The following CTNNA3 variants were observed in gnomAD, a reference collection of about 807,000 sequenced individuals.
CTNNA3 encodes catenin alpha 3, also known as catenin alpha-3.
A neutral mutation model predicts 95.7 loss-of-function variants in CTNNA3; 76 were observed. The ratio of observed to expected loss-of-function variants is 0.79; its 90% CI spans 0.66 to 0.96. The LOEUF (loss-of-function observed/expected upper bound fraction) is 0.96, where lower values mean the gene tolerates loss of function less well. Among genes scored for constraint, CTNNA3 ranks in the 40% least tolerant of loss-of-function variants. The pLI is 0.00. For missense variants in CTNNA3, 1,191 were observed against 1,089.8 expected, an observed-to-expected ratio of 1.09 and a Z score of -1.31; for synonymous variants, 431 against 374.4, an observed-to-expected ratio of 1.15 and a Z score of -1.74.
chr10:67,228,496 C>T (rs924642948), intron 5 of CTNNA3, among the ~76,000 whole-genome samples: 18 of 152,020 alleles, frequency 1.2e-4, no homozygotes, highest in African/African-American at 4.3e-4. Context: ...ACCTGTAATC[C>T]CAGCTACTTG....
Position 67,296,166 on chromosome 10 carries a change from AAC to A in CTNNA3, c.580-76298_580-76297del, listed in dbSNP as rs1320403579. 2.0e-5 allele frequency among the ~76,000 whole-genome samples: 3 copies of A among 152,354 alleles called. No homozygotes were observed. In the East Asian group the frequency reaches 5.8e-4, roughly 29 times the overall value. Reference sequence around the variant, plus strand: ...AGCAAAGAGGTTTCTGGAGGAAGCAAACACAGTTGAAATTATAGCATTTTTTT... The same window carrying A: ...AGCAAAGAGGTTTCTGGAGGAAGCAAACAGTTGAAATTATAGCATTTTTTT... On this transcript the variant is annotated intron_variant, in intron 5 of 17. Coordinates refer to ENST00000433211, the MANE Select transcript of CTNNA3 (RefSeq NM_013266.4).
At chr10:67,066,624 A>C (rs1462184426) in intron 7 of CTNNA3, among the ~76,000 whole-genome samples, 1 of 135,810 alleles carries the variant, frequency 7.4e-6, no homozygotes, top group Non-Finnish European at 1.6e-5. Flanking sequence ...GCTACACTGA[A>C]ACCCCACATC....
At chr10:67,701,905 G>A (rs1279233804) in intron 1 of CTNNA3, among the ~76,000 whole-genome samples, 1 of 152,100 alleles carries the variant, frequency 6.6e-6, no homozygotes, top group Admixed American at 6.5e-5. Flanking sequence ...GACACACATA[G>A]GCTCAAAATA....
intron 7 of CTNNA3, among the ~76,000 whole-genome samples, chr10:66,967,157 CT>C (rs1849469716): frequency 6.6e-6 from 1 of 151,850 alleles, no homozygotes; most frequent in South Asian, 2.1e-4. Flanking sequence ...GACTATTTTT[CT>C]GGAAACGTGA....
chr10:67,601,841 A>T (rs1205222737), intron 3 of CTNNA3, among the ~76,000 whole-genome samples: 1 of 152,168 alleles, frequency 6.6e-6, no homozygotes, highest in East Asian at 1.9e-4. Context: ...CCCACATACT[A>T]CACATACTAC....
chr10:66,345,099 T>C (rs1807668676), intron 12 of CTNNA3, among the ~76,000 whole-genome samples: 2 of 152,046 alleles, frequency 1.3e-5, no homozygotes, highest in South Asian at 2.1e-4. Flanking sequence ...AGAAAAAATA[T>C]GGCATAGTCT....
chr10:67,250,805 T>TA (rs887294829), intron 5 of CTNNA3, among the ~76,000 whole-genome samples: 2 of 152,314 alleles, frequency 1.3e-5, no homozygotes, highest in African/African-American at 2.4e-5. Flanking sequence ...ATGGCTATGA[T>TA]AAAAATGCCC....
intron 2 of CTNNA3, among the ~76,000 whole-genome samples, chr10:67,624,958 T>C (rs1349058017): frequency 6.6e-6 from 1 of 152,212 alleles, no homozygotes; most frequent in African/African-American, 2.4e-5. Context: ...CTTTATTTTT[T>C]CCTTTGTCTC....
chr10:66,231,745 T>C (rs2089600389), intron 13 of CTNNA3, among the ~76,000 whole-genome samples: 2 of 152,186 alleles, frequency 1.3e-5, no homozygotes, highest in South Asian at 2.1e-4. Flanking sequence ...CAAAACTAAA[T>C]AGACTAGCAA....
chr10:67,343,722 T>C (rs1315498157), intron 5 of CTNNA3, among the ~76,000 whole-genome samples: 3 of 151,846 alleles, frequency 2.0e-5, no homozygotes, highest in Non-Finnish European at 4.4e-5. Context: ...CACTTCTTCC[T>C]TTCCAATTGG....
intron 5 of CTNNA3, among the ~76,000 whole-genome samples, chr10:67,268,699 C>G (rs762326129): frequency 3.1e-4 from 47 of 152,178 alleles, no homozygotes; most frequent in Non-Finnish European, 6.0e-4. Flanking sequence ...TCTCAACAAC[C>G]ATTAAACATT....
chr10:66,487,707 A>AAAAAC (rs1205375433), intron 11 of CTNNA3, among the ~76,000 whole-genome samples: 5 of 152,204 alleles, frequency 3.3e-5, no homozygotes, highest in African/African-American at 1.2e-4. Flanking sequence ...TTAAATATTT[A>AAAAAC]AAAACAAAAC....
chr10:66,951,218 C>T (rs1382450275), intron 7 of CTNNA3, among the ~76,000 whole-genome samples: 3 of 151,540 alleles, frequency 2.0e-5, no homozygotes, highest in African/African-American at 2.4e-5. Flanking sequence ...TGGGTTCAAG[C>T]GATTCTCCTG....
At chr10:67,313,339 G>A (rs1840895718) in intron 5 of CTNNA3, among the ~76,000 whole-genome samples, 1 of 152,034 alleles carries the variant, frequency 6.6e-6, no homozygotes, top group African/African-American at 2.4e-5. Flanking sequence ...GGCTGAGGCA[G>A]GAGAATGGCA....
chr10:66,222,630 G>GAA (rs1311362614), intron 13 of CTNNA3, among the ~76,000 whole-genome samples: 8 of 137,486 alleles, frequency 5.8e-5, no homozygotes, highest in Admixed American at 1.6e-4. Flanking sequence ...GAAAAAGAAA[G>GAA]AAAGAAAGAA....
intron 2 of CTNNA3, among the ~76,000 whole-genome samples, chr10:67,607,543 G>C (rs1309780035): frequency 1.3e-5 from 2 of 152,054 alleles, no homozygotes; most frequent in Admixed American, 1.3e-4. Context: ...GAGGTGGAAG[G>C]GAAGGCAGGA....
intron 11 of CTNNA3, among the ~76,000 whole-genome samples, chr10:66,391,339 G>A (rs866081396): frequency 6.6e-6 from 1 of 152,002 alleles, no homozygotes; most frequent in African/African-American, 2.4e-5. Flanking sequence ...GTCATTGAAG[G>A]CTTCATATTT....
intron 13 of CTNNA3, among the ~76,000 whole-genome samples, chr10:66,107,067 A>G (rs1407896849): frequency 2.0e-5 from 3 of 152,198 alleles, no homozygotes; most frequent in Non-Finnish European, 4.4e-5. Flanking sequence ...TATCTCTTAA[A>G]CTGGCCTCAG....
chr10:66,163,714 T>G (rs1263206808), intron 13 of CTNNA3, among the ~76,000 whole-genome samples: 4 of 152,192 alleles, frequency 2.6e-5, no homozygotes, highest in African/African-American at 9.7e-5. Context: ...GGAGATTATA[T>G]TTTTTGGCAG....
Sources: gnomAD v4.1 joint callset for allele counts (sites outside exome capture counted in the v4.1 genomes callset) on GRCh38, gnomAD v4.1.1 for gene constraint, MANE v1.5 for transcripts, NCBI Gene and HGNC (gene_info 2026-07-23, HGNC 2026-07-21) for gene names.